Variants in FBXW4 observed in about 807,000 individuals in gnomAD.
FBXW4 encodes F-box and WD repeat domain containing 4, also known as F-box/WD repeat-containing protein 4.
Under a neutral mutation model 61.8 loss-of-function variants are expected in FBXW4, and 40 were observed. The observed-to-expected ratio is 0.65, with a 90% CI of 0.50 to 0.84. The LOEUF (loss-of-function observed/expected upper bound fraction) is 0.84. Among genes scored for constraint, FBXW4 ranks in the 40% least tolerant of loss-of-function variants. FBXW4 has a pLI of 0.00. For synonymous variants in FBXW4, 311 were observed against 313.8 expected, an observed-to-expected ratio of 0.99 and a Z score of 0.10; for missense variants, 672 against 753.8, an observed-to-expected ratio of 0.89 and a Z score of 1.27.
intron 5 of FBXW4, among the ~76,000 whole-genome samples, chr10:101,667,092 G>A (rs1338237330): frequency 1.3e-5 from 2 of 151,654 alleles, no homozygotes; most frequent in African/African-American, 2.4e-5. Flanking sequence ...TTAGCTGGGC[G>A]TGGTGGCAGG....
chr10:101,630,959 C>T (rs1236006732), intron 5 of FBXW4, among the ~76,000 whole-genome samples: 1 of 152,142 alleles, frequency 6.6e-6, no homozygotes, highest in Non-Finnish European at 1.5e-5. Context: ...CAGGGCCATG[C>T]TTGTGGAACC....
intron 5 of FBXW4, among the ~76,000 whole-genome samples, chr10:101,654,846 C>T (rs1452420150): frequency 6.6e-6 from 1 of 152,180 alleles, no homozygotes; most frequent in Non-Finnish European, 1.5e-5. Context: ...TTTTTTGAGA[C>T]AGACTCTTGC....
chr10:101,611,278 G>T lies in FBXW4; in HGVS notation c.*13C>A. ...TGGTTTCCCTGGCCCAGAGGCAGGG[G>T]TGGCCCTGACGGTCATGGGTTTTGA... On this transcript the variant is annotated 3_prime_UTR_variant, in exon 9 of 9. Transcript: ENST00000331272. This position sits in a 1 kb window ranked among gnomAD's most constrained non-coding sequence, Gnocchi z 4.9. 4 of 1,612,120 alleles carry T rather than the reference G, an allele frequency of 2.5e-6. No individual in the cohort carries two copies. The South Asian group carries it at 4.4e-5, about 18-fold the overall frequency.
intron 6 of FBXW4, among the ~76,000 whole-genome samples, chr10:101,622,402 A>G (rs1490534737): frequency 1.3e-5 from 2 of 152,226 alleles, no homozygotes; most frequent in African/African-American, 4.8e-5. Flanking sequence ...AATTTTAAAC[A>G]TTTGCTCTTC....
chr10:101,664,005 T>C (rs559183854), intron 5 of FBXW4, among the ~76,000 whole-genome samples: 2 of 152,364 alleles, frequency 1.3e-5, no homozygotes, highest in East Asian at 3.9e-4. Flanking sequence ...TGGAGCCTGC[T>C]GGTTCTCCTT....
chr10:101,624,704 C>T, intron 6 of FBXW4, 41 bp downstream of exon 6: 2 of 1,610,266 alleles, frequency 1.2e-6, no homozygotes, highest in African/African-American at 1.3e-5. Flanking sequence ...TTTCCCTCAC[C>T]TCCTGGACTG....
chr10:101,689,412 T>C (rs1248977272), intron 1 of FBXW4, among the ~76,000 whole-genome samples: 1 of 152,252 alleles, frequency 6.6e-6, no homozygotes, highest in Admixed American at 6.5e-5. Flanking sequence ...CATGTCCTGC[T>C]TCCACAGGTG....
chr10:101,683,721 G>C (rs574866333), intron 1 of FBXW4, among the ~76,000 whole-genome samples: 16 of 152,176 alleles, frequency 1.1e-4, no homozygotes, highest in African/African-American at 3.6e-4. Flanking sequence ...AAAACTCCTG[G>C]AACACAGATC....
intron 6 of FBXW4, among the ~76,000 whole-genome samples, chr10:101,619,022 C>T (rs1328225014): frequency 6.6e-6 from 1 of 152,204 alleles, no homozygotes; most frequent in Non-Finnish European, 1.5e-5. Context: ...AAGGCACCTT[C>T]CCTGGGGCCT....
At chr10:101,631,338 T>C (rs2063954526) in intron 5 of FBXW4, among the ~76,000 whole-genome samples, 1 of 152,284 alleles carries the variant, frequency 6.6e-6, no homozygotes, top group East Asian at 1.9e-4. Context: ...ATCTACTTAA[T>C]GGAATATTAT....
rs773113504 is a variant in FBXW4 at position 101,673,054 on chromosome 10, G to C, written c.1008-7C>G. On this transcript the variant is annotated splice_polypyrimidine_tract_variant and splice_region_variant and intron_variant, in intron 3 of 8. Transcript: ENST00000331272. ...AATGCCAATCTTCCCATCCCTAGGA[G>C]AGAAATAAGGAGCCGACCCCCAAGA... The C allele has an allele frequency of 3.7e-6, 6 of 1,612,384 alleles. No homozygotes were observed. The South Asian group carries it at 5.5e-5, about 15-fold the overall frequency.
At chr10:101,612,302 C>T in intron 7 of FBXW4, 35 bp downstream of exon 7, 1 of 1,499,480 alleles carries the variant, frequency 6.7e-7, no homozygotes, top group East Asian at 2.5e-5. Flanking sequence ...GGTGCAGGGC[C>T]CCCACCACCT....
intron 1 of FBXW4, among the ~76,000 whole-genome samples, chr10:101,684,250 A>C (rs1206184820): frequency 2.6e-5 from 4 of 152,204 alleles, no homozygotes; most frequent in Non-Finnish European, 5.9e-5. Context: ...CAGCCTCCCA[A>C]GGAGCTGGGA....
chr10:101,669,067 C>CA (rs2064334100), intron 4 of FBXW4, among the ~76,000 whole-genome samples: 1 of 152,044 alleles, frequency 6.6e-6, no homozygotes, highest in Non-Finnish European at 1.5e-5. Context: ...TTAAGAGTCA[C>CA]ATGATAACTC....
chr10:101,672,899 G>A lies in FBXW4; in HGVS notation c.1140+16C>T, dbSNP rs1224393589. On this transcript the variant is annotated intron_variant, in intron 4 of 8. Coordinates refer to ENST00000331272, the MANE Select transcript of FBXW4 (RefSeq NM_022039.4). Reference sequence around the variant, plus strand: ...ACAGGAGGGAGTAATAGTATGTAAGGGGGAGACCACCTCACCTTGGCCGTC... The same window carrying A: ...ACAGGAGGGAGTAATAGTATGTAAGAGGGAGACCACCTCACCTTGGCCGTC... 1 of 1,612,856 alleles carries A rather than the reference G, an allele frequency of 6.2e-7. No individual in the cohort carries two copies. The highest frequency in any genetic ancestry group is 1.3e-5 in the African/African-American group (1 of 74,794).
At chr10:101,683,190 G>GA (rs1319833899) in intron 1 of FBXW4, among the ~76,000 whole-genome samples, 7 of 152,238 alleles carry the variant, frequency 4.6e-5, no homozygotes, top group Admixed American at 4.6e-4. Context: ...TCCCATCCTT[G>GA]AAGAGGCCTC....
chr10:101,660,221 G>C, intron 5 of FBXW4: 3 of 983,810 alleles, frequency 3.0e-6, no homozygotes, highest in Non-Finnish European at 3.6e-6. Context: ...ATTACATCTT[G>C]TACCTCCAAA....
At chr10:101,655,086 T>A (rs2064174716) in intron 5 of FBXW4, among the ~76,000 whole-genome samples, 1 of 152,206 alleles carries the variant, frequency 6.6e-6, no homozygotes, top group South Asian at 2.1e-4. Context: ...TACCTCAGCC[T>A]CCCAAAGTGC....
intron 5 of FBXW4, among the ~76,000 whole-genome samples, chr10:101,653,006 G>A (rs552810541): frequency 7.9e-5 from 12 of 152,190 alleles, no homozygotes; most frequent in South Asian, 2.1e-4. Context: ...TCAACCCCAC[G>A]TGTGAGTTCC....
Sources: allele counts gnomAD v4.1 joint callset (sites outside exome capture counted in the v4.1 genomes callset), GRCh38; gene constraint gnomAD v4.1.1; non-coding constraint Gnocchi (gnomAD v3.1); transcripts MANE v1.5; gene names NCBI Gene and HGNC (gene_info 2026-07-23, HGNC 2026-07-21).